ADAMTS8: variants seen among roughly 807,000 people sequenced by gnomAD.
The protein encoded by ADAMTS8 is A disintegrin and metalloproteinase with thrombospondin motifs 8.
A neutral mutation model predicts 64.4 loss-of-function variants in ADAMTS8; 50 were observed. That is an observed-to-expected ratio of 0.78 (90% CI 0.62 to 0.98). The LOEUF is 0.98. Ranked by LOEUF, ADAMTS8 falls within the 50% of genes least tolerant of loss-of-function variation. The pLI is 0.00. For missense variants in ADAMTS8, 1,192 were observed against 1,208.2 expected, an observed-to-expected ratio of 0.99 and a Z score of 0.20; for synonymous variants, 556 against 533.6, an observed-to-expected ratio of 1.04 and a Z score of -0.58.
intron 6 of ADAMTS8, among the ~76,000 whole-genome samples, chr11:130,410,267 C>A (rs1861936354): frequency 6.6e-6 from 1 of 152,204 alleles, no homozygotes; most frequent in Non-Finnish European, 1.5e-5. Flanking sequence ...TCTAATTGGA[C>A]TACAAGCTCC....
chr11:130,417,146 G>C, intron 2 of ADAMTS8, 71 bp from the exon 3 acceptor site: 1 of 1,591,724 alleles, frequency 6.3e-7, no homozygotes, highest in Non-Finnish European at 8.6e-7. Flanking sequence ...CTGCAGGGCC[G>C]GGTGTGGCCA....
rs1458500418 is a variant in ADAMTS8, at chr11:130,427,984, G to T, written c.303C>A (p.Phe101Leu). 2 of 1,529,876 alleles carry T rather than the reference G, an allele frequency of 1.3e-6. No homozygotes were observed. The highest frequency in any genetic ancestry group is 2.0e-5 in the Admixed American group (1 of 50,788). 94.8% of individuals were successfully genotyped at this position (1,529,876 alleles called of 1,614,324 possible). A position where few individuals can be genotyped will look rare whatever the true frequency, so the allele number is the denominator to read the frequency against. ...GCTCCCCATTCACGGTGCCGGAGAA[G>T]AAGCAGCCGCGCAGCCCCCGCTCGC... The part of the protein sequence containing the change: ...TGGERGLRGC[F>L]FSGTVNGEPE... Residue 101 changes from phenylalanine (F) to leucine (L), a missense_variant, in exon 1 of 9, where the codon TTC becomes TTA. Phe to Leu is a conservative substitution (Grantham distance 22). Around this residue, in one of 5 missense-constraint regions of ADAMTS8, gnomAD observed 741 missense variants for 710.6 expected, o/e 1.04. Transcript: ENST00000257359.
intron 4 of ADAMTS8, among the ~76,000 whole-genome samples, chr11:130,415,491 G>A (rs1360398457): frequency 6.6e-6 from 1 of 151,694 alleles, no homozygotes; most frequent in African/African-American, 2.4e-5. Flanking sequence ...CTTTAGTAGA[G>A]ATGGGGTTTC....
rs756452678 is a variant in ADAMTS8, at chr11:130,417,052, C to T, written c.984G>A (p.Leu328=). Residue 328 remains leucine, a synonymous_variant, in exon 3 of 9, where the codon CTG becomes CTA. Transcript: ENST00000257359. Reference sequence around the variant, plus strand: ...TGTCTGCCACACCCAGGGTGTCACACAGCCCCTCCTGCCCACAGAAGTTCT... The same window carrying T: ...TGTCTGCCACACCCAGGGTGTCACATAGCCCCTCCTGCCCACAGAAGTTCT... ...TRQNFCGQEG[L]CDTLGVADIG... 14 of 1,613,868 alleles carry T rather than the reference C, an allele frequency of 8.7e-6. No individual in the cohort carries two copies. Among genetic ancestry groups the T allele is most frequent in the Admixed American group, 3.3e-5 (2 of 59,986 alleles).
At chr11:130,423,550 T>A (rs1227518560) in intron 1 of ADAMTS8, among the ~76,000 whole-genome samples, 1 of 152,156 alleles carries the variant, frequency 6.6e-6, no homozygotes, top group African/African-American at 2.4e-5. Context: ...TGGAAGACAT[T>A]TTCCCCACAG....
chr11:130,418,512 C>T (rs114625427), intron 2 of ADAMTS8, among the ~76,000 whole-genome samples: 189 of 152,336 alleles, frequency 1.2e-3, no homozygotes, highest in African/African-American at 4.3e-3. Context: ...CCACTCTGTG[C>T]CTCAGTTTTC....
At chr11:130,409,336 C>T (rs1861924850) in intron 6 of ADAMTS8, among the ~76,000 whole-genome samples, 1 of 152,192 alleles carries the variant, frequency 6.6e-6, no homozygotes, top group African/African-American at 2.4e-5. Context: ...TGACACCGGA[C>T]ATGAATCCAA....
chr11:130,414,464 T>C (rs1008096465), intron 5 of ADAMTS8, 67 bp downstream of exon 5: 2 of 1,508,862 alleles, frequency 1.3e-6, no homozygotes, highest in East Asian at 2.3e-5. Context: ...AGAACAGCCC[T>C]CAGTCCTCCC....
chr11:130,421,181 C>T (rs1862094452), intron 1 of ADAMTS8, among the ~76,000 whole-genome samples: 1 of 152,194 alleles, frequency 6.6e-6, no homozygotes, highest in Admixed American at 6.5e-5. Context: ...GAGGTTGGGG[C>T]AAGTCTGTGT....
intron 2 of ADAMTS8, among the ~76,000 whole-genome samples, chr11:130,418,281 T>G (rs1862054104): frequency 7.1e-6 from 1 of 141,734 alleles, no homozygotes; most frequent in African/African-American, 3.2e-5. Flanking sequence ...CTGTCTGTCT[T>G]CACATCAGCC....
At chr11:130,425,793 G>A (rs1159998292) in intron 1 of ADAMTS8, among the ~76,000 whole-genome samples, 3 of 152,108 alleles carry the variant, frequency 2.0e-5, no homozygotes, top group South Asian at 4.2e-4. Flanking sequence ...AGTAGAGACG[G>A]GGTTTCACCG....
At position 130,418,935 on chromosome 11, in the gene ADAMTS8, G is replaced by A. The variant is rs767649807; in HGVS notation, c.960+118C>T. On this transcript the variant is annotated intron_variant, in intron 2 of 8. Coordinates refer to ENST00000257359, the MANE Select transcript of ADAMTS8 (RefSeq NM_007037.6). Reference sequence around the variant, plus strand: ...ATCATTCTGGGCATGAGGCTCTGGCGTCCAGCTGGGGCCAGCAGGGAGACG... The same window carrying A: ...ATCATTCTGGGCATGAGGCTCTGGCATCCAGCTGGGGCCAGCAGGGAGACG... 2.5e-5 allele frequency: 38 copies of A among 1,500,028 alleles called. 1 individual carries two copies. Among genetic ancestry groups the A allele is most frequent in the East Asian group, 1.4e-4 (6 of 44,126 alleles). The allele number at this position is 1,500,028 out of a possible 1,614,324, so 92.9% of individuals were successfully genotyped here. A position where few individuals can be genotyped will look rare whatever the true frequency, so the allele number is the denominator to read the frequency against.
Position 130,405,069 on chromosome 11 carries a change from G to A in ADAMTS8, c.*489C>T, listed in dbSNP as rs539255392. 3 of 988,186 alleles carry A rather than the reference G, an allele frequency of 3.0e-6. No individual in the cohort carries two copies. In the East Asian group the frequency reaches 3.4e-4, roughly 111 times the overall value. 61.2% of individuals were successfully genotyped at this position (988,186 alleles called of 1,614,324 possible). Reference sequence around the variant, plus strand: ...TTAGGTGATGGATTTTAACACTGAAGACAGTCGTGGTCATTCTTGAAGACA... The same window carrying A: ...TTAGGTGATGGATTTTAACACTGAAAACAGTCGTGGTCATTCTTGAAGACA... On this transcript the variant is annotated 3_prime_UTR_variant, in exon 9 of 9. Transcript: ENST00000257359.
chr11:130,408,183 GC>G (rs1203970549), intron 8 of ADAMTS8, among the ~76,000 whole-genome samples: 2 of 152,112 alleles, frequency 1.3e-5, no homozygotes, highest in East Asian at 3.9e-4. Flanking sequence ...TATCCACATG[GC>G]CTCCAGCCCT....
At chr11:130,422,217 A>C (rs1365337298) in intron 1 of ADAMTS8, among the ~76,000 whole-genome samples, 1 of 152,134 alleles carries the variant, frequency 6.6e-6, no homozygotes, top group Non-Finnish European at 1.5e-5. Context: ...AGGTGGGAGA[A>C]TCACTTGAGA....
chr11:130,427,451 CTTTT>C (rs36087476), intron 1 of ADAMTS8, 112 bp downstream of exon 1: 31,038 of 429,500 alleles, frequency 0.072, 1,483 homozygotes, highest in African/African-American at 0.31. Context: ...GTGGGGAGGG[CTTTT>C]TTTTTTTTTT....
chr11:130,414,059 T>G (rs1307452754), intron 5 of ADAMTS8, among the ~76,000 whole-genome samples: 3 of 152,024 alleles, frequency 2.0e-5, no homozygotes, highest in Non-Finnish European at 4.4e-5. Flanking sequence ...TTGGTTTGTT[T>G]GTTAAAAGAT....
At chr11:130,424,018 G>C (rs187746592) in intron 1 of ADAMTS8, among the ~76,000 whole-genome samples, 4 of 152,368 alleles carry the variant, frequency 2.6e-5, no homozygotes, top group Admixed American at 2.6e-4. Flanking sequence ...AGTGAGACCA[G>C]CTTTGGCAGT....
At position 130,408,626 on chromosome 11, in the gene ADAMTS8, G is replaced by T. The variant is rs761168624; in HGVS notation, c.1937C>A (p.Thr646Asn). The T allele has an allele frequency of 1.2e-6, 2 of 1,614,108 alleles. No homozygotes were observed. The highest frequency in any genetic ancestry group is 2.2e-5 in the East Asian group (1 of 44,868). Reference protein sequence around the residue: ...KVFEAKVIDGTLCGPETLAIC... With the variant: ...KVFEAKVIDGNLCGPETLAIC... ...GGCCAGTGTTTCTGGCCCACACAGG[G>T]TGCCATCAATCACCTGCAACGGGGA... The change falls in exon 8 of 9, where the codon ACC becomes AAC. Residue 646 changes from threonine to asparagine, a missense_variant. By Grantham distance (65) the Thr-to-Asn change is moderately conservative. Coordinates refer to ENST00000257359, the MANE Select transcript of ADAMTS8 (RefSeq NM_007037.6).
Sources: gnomAD v4.1 joint callset for allele counts (sites outside exome capture counted in the v4.1 genomes callset) on GRCh38, gnomAD v4.1.1 for gene constraint, gnomAD v4.1.1 regional missense constraint, MANE v1.5 for transcripts, NCBI Gene and HGNC (gene_info 2026-07-23, HGNC 2026-07-21) for gene names.